DACH1: variants seen among roughly 807,000 people sequenced by gnomAD.
The protein encoded by DACH1 is dachshund homolog 1.
DACH1 carries 12 observed loss-of-function variants against 54.2 expected under a neutral mutation model. That is an observed-to-expected ratio of 0.22 (90% CI 0.14 to 0.36). DACH1 has a LOEUF of 0.36. Among genes scored for constraint, DACH1 ranks in the 10% least tolerant of loss-of-function variants. The pLI is 1.00. For missense variants in DACH1, 805 were observed against 929.8 expected (o/e 0.87, Z 1.75); for synonymous variants, 386 against 366.2 (o/e 1.05, Z -0.62).
chr13:71,725,758 G>C (rs1476147529), intron 1 of DACH1, among the ~76,000 whole-genome samples: 1 of 151,948 alleles, frequency 6.6e-6, no homozygotes, highest in Non-Finnish European at 1.5e-5. Flanking sequence ...TATTTTGTTT[G>C]GATATTGCTC....
At chr13:71,532,992 A>G (rs1207551640) in intron 6 of DACH1, among the ~76,000 whole-genome samples, 1 of 151,916 alleles carries the variant, frequency 6.6e-6, no homozygotes, top group East Asian at 1.9e-4. Flanking sequence ...AACATGTAGG[A>G]GATATTTTTA....
intron 1 of DACH1, among the ~76,000 whole-genome samples, chr13:71,778,103 T>C (rs547017180): frequency 0.012 from 1,714 of 137,978 alleles, 37 homozygotes; most frequent in African/African-American, 0.048. Flanking sequence ...AATAAATAAA[T>C]AAATAAATAA....
intron 1 of DACH1, among the ~76,000 whole-genome samples, chr13:71,818,575 C>G (rs997691459): frequency 1.3e-5 from 2 of 152,214 alleles, no homozygotes; most frequent in African/African-American, 4.8e-5. Context: ...AAATCACCAT[C>G]ATAACTTGCC....
chr13:71,804,174 C>T (rs1887397006), intron 1 of DACH1, among the ~76,000 whole-genome samples: 1 of 152,118 alleles, frequency 6.6e-6, no homozygotes, highest in East Asian at 1.9e-4. Context: ...TAAAACGTAG[C>T]TGGCCGTGGT....
At chr13:71,548,321 G>C (rs1328706245) in intron 6 of DACH1, among the ~76,000 whole-genome samples, 3 of 152,066 alleles carry the variant, frequency 2.0e-5, no homozygotes, top group Non-Finnish European at 2.9e-5. Context: ...TGCAGTTTCA[G>C]ATATTCTATT....
intron 2 of DACH1, among the ~76,000 whole-genome samples, chr13:71,650,424 A>C (rs1013714275): frequency 1.3e-5 from 2 of 152,188 alleles, no homozygotes; most frequent in Non-Finnish European, 2.9e-5. Flanking sequence ...TTTACTCTCA[A>C]TGTCAACATT....
intron 3 of DACH1, among the ~76,000 whole-genome samples, chr13:71,614,867 A>G (rs1485428271): frequency 6.6e-6 from 1 of 151,526 alleles, no homozygotes; most frequent in African/African-American, 2.4e-5. Flanking sequence ...AAAAAAAAAA[A>G]AAAAAAGCCA....
rs1877780546 is a variant in DACH1, at chr13:71,640,076, A to T, written c.965-9359T>A. On this transcript the variant is annotated intron_variant, in intron 2 of 10. Transcript: ENST00000613252. The stretch of plus-strand genomic sequence containing the variant: ...TTCTGTAAAGTCACACCATTAAATA[A>T]TCACAGAGTAATCCCAATTCGCCTT... Among the ~76,000 whole-genome samples, 7 of 152,046 alleles carry T rather than the reference A, an allele frequency of 4.6e-5. No individual in the cohort carries two copies. In the South Asian group the frequency reaches 1.4e-3, roughly 31 times the overall value.
intron 8 of DACH1, among the ~76,000 whole-genome samples, chr13:71,477,104 A>ATATTT (rs1566282945): frequency 2.3e-5 from 1 of 43,254 alleles, no homozygotes; most frequent in African/African-American, 8.6e-5. Context: ...ATATATATAT[A>ATATTT]TTTTTTTTTT....
chr13:71,700,253 C>T (rs921184966), intron 1 of DACH1, among the ~76,000 whole-genome samples: 5 of 151,918 alleles, frequency 3.3e-5, no homozygotes, highest in African/African-American at 1.2e-4. Flanking sequence ...AGGAAGCCAC[C>T]CCTGCTGTTA....
chr13:71,515,084 A>G (rs969626691), intron 6 of DACH1, among the ~76,000 whole-genome samples: 1 of 151,852 alleles, frequency 6.6e-6, no homozygotes, highest in Non-Finnish European at 1.5e-5. Context: ...GAGTCACCAT[A>G]TCTTTAATCA....
chr13:71,633,595 G>A (rs975823468), intron 2 of DACH1, among the ~76,000 whole-genome samples: 1 of 146,254 alleles, frequency 6.8e-6, no homozygotes, highest in African/African-American at 2.7e-5. Context: ...ATATATGTGT[G>A]TCACTGACAC....
At chr13:71,702,381 A>G (rs115103176) in intron 1 of DACH1, among the ~76,000 whole-genome samples, 185 of 152,320 alleles carry the variant, frequency 1.2e-3, no homozygotes, top group African/African-American at 4.3e-3. Flanking sequence ...GAAGAAAGAA[A>G]ATAATTCTGG....
intron 1 of DACH1, among the ~76,000 whole-genome samples, chr13:71,747,465 C>T (rs1884646104): frequency 6.6e-6 from 1 of 152,054 alleles, no homozygotes; most frequent in South Asian, 2.1e-4. Flanking sequence ...TCTGTAGTCC[C>T]AGCTACTAGG....
chr13:71,464,393 A>C (rs1876368042), intron 10 of DACH1, among the ~76,000 whole-genome samples: 1 of 152,046 alleles, frequency 6.6e-6, no homozygotes, highest in African/African-American at 2.4e-5. Context: ...TTTGTTTTTC[A>C]GCTGTTGTAA....
At chr13:71,764,745 C>T (rs1885550102) in intron 1 of DACH1, among the ~76,000 whole-genome samples, 1 of 152,212 alleles carries the variant, frequency 6.6e-6, no homozygotes, top group African/African-American at 2.4e-5. Context: ...CTTTTACAAT[C>T]TGAAGGTATG....
intron 1 of DACH1, among the ~76,000 whole-genome samples, chr13:71,698,954 A>C (rs1881970699): frequency 6.6e-6 from 1 of 152,158 alleles, no homozygotes; most frequent in Non-Finnish European, 1.5e-5. Flanking sequence ...ACCAGGGAAA[A>C]CTAAAACATT....
At chr13:71,757,310 G>C (rs1043121530) in intron 1 of DACH1, among the ~76,000 whole-genome samples, 1 of 151,974 alleles carries the variant, frequency 6.6e-6, no homozygotes, top group Non-Finnish European at 1.5e-5. Context: ...AGCAATATAA[G>C]GAAATAACTT....
intron 3 of DACH1, among the ~76,000 whole-genome samples, chr13:71,629,576 T>C (rs1876928282): frequency 6.6e-6 from 1 of 152,168 alleles, no homozygotes; most frequent in South Asian, 2.1e-4. Flanking sequence ...ACAGTATTCC[T>C]TTATATACCC....
Sources: gnomAD v4.1 joint callset for allele counts (sites outside exome capture counted in the v4.1 genomes callset) on GRCh38, gnomAD v4.1.1 for gene constraint, MANE v1.5 for transcripts, NCBI Gene and HGNC (gene_info 2026-07-23, HGNC 2026-07-21) for gene names.